The following DOCK2 variants were observed in gnomAD, a reference collection of about 807,000 sequenced individuals.
The protein encoded by DOCK2 is dedicator of cytokinesis protein 2.
A neutral mutation model predicts 248.9 loss-of-function variants in DOCK2; 87 were observed. The observed-to-expected ratio is 0.35, with a 90% CI of 0.29 to 0.42. DOCK2 has a LOEUF of 0.42. Among genes scored for constraint, DOCK2 ranks in the 10% least tolerant of loss-of-function variants. DOCK2 has a pLI of 1.00. For missense variants in DOCK2, 1,747 were observed against 2,300.2 expected (o/e 0.76, Z 4.92); for synonymous variants, 805 against 821.6 (o/e 0.98, Z 0.35).
intron 43 of DOCK2, chr5:170,057,297 A>G (rs1370928240): frequency 6.4e-6 from 3 of 470,714 alleles, no homozygotes; most frequent in East Asian, 8.6e-5. Flanking sequence ...CCCCGAGAAA[A>G]CAAATGGACA....
At chr5:169,646,718 C>T (rs893186946) in intron 1 of DOCK2, among the ~76,000 whole-genome samples, 5 of 152,238 alleles carry the variant, frequency 3.3e-5, no homozygotes, top group African/African-American at 1.2e-4. Context: ...TGCAGTTCTG[C>T]ATTGTAATGT....
intron 32 of DOCK2, among the ~76,000 whole-genome samples, chr5:170,012,833 T>A (rs981256850): frequency 1.3e-5 from 2 of 152,252 alleles, no homozygotes; most frequent in African/African-American, 4.8e-5. Flanking sequence ...TGAGCTGCTG[T>A]ATTAACATTC....
intron 27 of DOCK2, among the ~76,000 whole-genome samples, chr5:169,871,783 G>T (rs1771993376): frequency 6.6e-6 from 1 of 152,220 alleles, no homozygotes; most frequent in Non-Finnish European, 1.5e-5. Flanking sequence ...CTAAACTAGG[G>T]CTGGGGTGCA....
intron 33 of DOCK2, among the ~76,000 whole-genome samples, chr5:170,024,192 C>T (rs935565487): frequency 4.2e-4 from 64 of 152,044 alleles, no homozygotes; most frequent in African/African-American, 1.5e-3. Flanking sequence ...ACATCCACCT[C>T]GCAGCAGTGG....
At chr5:169,986,026 A>T in intron 29 of DOCK2, 104 bp downstream of exon 29, 2 of 1,108,670 alleles carry the variant, frequency 1.8e-6, no homozygotes, top group Non-Finnish European at 2.6e-6. Flanking sequence ...CTGAAAAGAA[A>T]TTAAAGTGTT....
intron 27 of DOCK2, among the ~76,000 whole-genome samples, chr5:169,895,978 C>A (rs1184083740): frequency 6.6e-6 from 1 of 152,166 alleles, no homozygotes; most frequent in Non-Finnish European, 1.5e-5. Flanking sequence ...TGAACAGGGA[C>A]CTTTATGTGA....
rs1262898769 is a variant in DOCK2 at position 169,929,632 on chromosome 5, AC to A, written c.2800-53435del. On this transcript the variant is annotated intron_variant, in intron 27 of 51. Coordinates refer to ENST00000520908, the MANE Select transcript of DOCK2 (RefSeq NM_004946.3). ...GTGGCACATGCCTGTAGTCCCTGCT[AC>A]TCGGAGGCTGAGGCAGGAGAATCAC... 3.3e-5 allele frequency among the ~76,000 whole-genome samples: 5 copies of A among 151,678 alleles called. No individual in the cohort carries two copies. In the East Asian group the frequency reaches 9.7e-4, roughly 29 times the overall value.
At chr5:169,669,037 C>A (rs13357884) in intron 2 of DOCK2, among the ~76,000 whole-genome samples, 1 of 152,038 alleles carries the variant, frequency 6.6e-6, no homozygotes, top group African/African-American at 2.4e-5. Flanking sequence ...GCCAGCACTA[C>A]TGGGGCTCCT....
chr5:169,912,373 A>G (rs762298400), intron 27 of DOCK2, among the ~76,000 whole-genome samples: 1 of 152,048 alleles, frequency 6.6e-6, no homozygotes, highest in East Asian at 1.9e-4. Context: ...GCCCTTTCTT[A>G]TCATTGTCTA....
rs1468724987 is a variant in DOCK2, at chr5:169,978,380, T to C, written c.2800-4688T>C. On this transcript the variant is annotated intron_variant, in intron 27 of 51. Coordinates refer to ENST00000520908, the MANE Select transcript of DOCK2 (RefSeq NM_004946.3). The stretch of plus-strand genomic sequence containing the variant: ...CAGGGGTCCTGGCTCTGTGTATGTG[T>C]GTGTGTGTGTGTGGGGGGGGGGGGG... Among the ~76,000 whole-genome samples, 22 of 18,878 alleles carry C rather than the reference T, an allele frequency of 1.2e-3. No homozygotes were observed. The South Asian group carries it at 0.013, about 11-fold the overall frequency. 12.4% of individuals were successfully genotyped at this position (18,878 alleles called of 152,430 possible). A position where few individuals can be genotyped will look rare whatever the true frequency, so the allele number is the denominator to read the frequency against.
intron 23 of DOCK2, among the ~76,000 whole-genome samples, chr5:169,757,221 A>G (rs1421846678): frequency 6.6e-6 from 1 of 152,064 alleles, no homozygotes. Context: ...CCCTGCAGTC[A>G]TCTGATTTTG....
In DOCK2 at chr5:169,883,240, G is replaced by A. The variant is rs963717311; in HGVS notation, c.2799+42388G>A. On this transcript the variant is annotated intron_variant, in intron 27 of 51. Coordinates refer to ENST00000520908, the MANE Select transcript of DOCK2 (RefSeq NM_004946.3). ...TTCAGCTGACCTGTCTGGGCTGAGA[G>A]CAGACTCTCTAGCTTCCCAGGAAGG... The A allele has an allele frequency of 9.8e-5, 152 of 1,551,448 alleles. No individual in the cohort carries two copies. The highest frequency in any genetic ancestry group is 1.3e-4 in the Non-Finnish European group (147 of 1,146,920).
intron 27 of DOCK2, among the ~76,000 whole-genome samples, chr5:169,963,014 T>C (rs1433439936): frequency 6.6e-6 from 1 of 152,158 alleles, no homozygotes; most frequent in Non-Finnish European, 1.5e-5. Context: ...AATTGACATT[T>C]TGATGCTTAA....
chr5:169,774,973 A>G (rs28661267), intron 25 of DOCK2, among the ~76,000 whole-genome samples: 2,947 of 152,124 alleles, frequency 0.019, 107 homozygotes, highest in African/African-American at 0.067. Context: ...TGGTGGCACA[A>G]TCTTGGCTCA....
chr5:169,860,855 C>T (rs529435740), intron 27 of DOCK2, among the ~76,000 whole-genome samples: 9 of 152,304 alleles, frequency 5.9e-5, no homozygotes, highest in Admixed American at 5.2e-4. Context: ...GCTTAGCAGC[C>T]TCAATAGCAA....
At chr5:169,942,763 A>T (rs541515259) in intron 27 of DOCK2, among the ~76,000 whole-genome samples, 6 of 152,316 alleles carry the variant, frequency 3.9e-5, no homozygotes, top group Middle Eastern at 3.4e-3. Context: ...AACAGAGATC[A>T]CCAACTAGCC....
At chr5:169,672,054 T>C in intron 5 of DOCK2, among the ~76,000 whole-genome samples, 1 of 152,158 alleles carries the variant, frequency 6.6e-6, no homozygotes. Flanking sequence ...TTGCCCAGGC[T>C]GGAGTGCAAT....
At chr5:169,729,903 T>A (rs1660721609) in intron 22 of DOCK2, among the ~76,000 whole-genome samples, 1 of 152,052 alleles carries the variant, frequency 6.6e-6, no homozygotes, top group African/African-American at 2.4e-5. Flanking sequence ...TGGTCTAAAG[T>A]GGGGATTACC....
intron 27 of DOCK2, among the ~76,000 whole-genome samples, chr5:169,870,655 A>T (rs1771904091): frequency 1.3e-5 from 2 of 152,020 alleles, no homozygotes; most frequent in Non-Finnish European, 2.9e-5. Context: ...CACAATGTGC[A>T]GGTTTGTTAC....
Sources: allele counts gnomAD v4.1 joint callset (sites outside exome capture counted in the v4.1 genomes callset), GRCh38; gene constraint gnomAD v4.1.1; transcripts MANE v1.5; gene names NCBI Gene and HGNC (gene_info 2026-07-23, HGNC 2026-07-21).